Variants in NELL1 observed in about 807,000 individuals in gnomAD.
NELL1 encodes protein kinase C-binding protein NELL1.
NELL1 carries 76 observed loss-of-function variants against 107.4 expected under a neutral mutation model. That is an observed-to-expected ratio of 0.71 (90% CI 0.59 to 0.86). The LOEUF (loss-of-function observed/expected upper bound fraction) is 0.86, where lower values mean the gene tolerates loss of function less well. Among genes scored for constraint, NELL1 ranks in the 40% least tolerant of loss-of-function variants. The pLI is 0.00. For synonymous variants in NELL1, 353 were observed against 341.2 expected (o/e 1.03, Z -0.38); for missense variants, 1,024 against 1,005.5 (o/e 1.02, Z -0.25).
chr11:20,854,800 G>A (rs12293297), intron 4 of NELL1, among the ~76,000 whole-genome samples: 3,202 of 152,272 alleles, frequency 0.021, 40 homozygotes, highest in Middle Eastern at 0.048. Flanking sequence ...GTAGCAAGCA[G>A]ATGATGGATA....
chr11:20,920,007 C>G (rs904926268), intron 7 of NELL1, among the ~76,000 whole-genome samples: 4 of 152,098 alleles, frequency 2.6e-5, no homozygotes, highest in Admixed American at 2.0e-4. Flanking sequence ...TATGTTCATA[C>G]TGAGTGGCGG....
intron 15 of NELL1, among the ~76,000 whole-genome samples, chr11:21,431,570 T>C (rs934279130): frequency 2.0e-5 from 3 of 152,206 alleles, no homozygotes; most frequent in African/African-American, 7.2e-5. Context: ...TTTGACATTG[T>C]ATGTAGATTT....
chr11:20,733,593 A>T (rs192491958), intron 2 of NELL1, among the ~76,000 whole-genome samples: 6 of 152,308 alleles, frequency 3.9e-5, no homozygotes, highest in African/African-American at 1.4e-4. Context: ...CATATGTAGA[A>T]GTTTATTTTT....
intron 5 of NELL1, among the ~76,000 whole-genome samples, chr11:20,900,910 G>C (rs1849858376): frequency 6.6e-6 from 1 of 151,982 alleles, no homozygotes; most frequent in Non-Finnish European, 1.5e-5. Context: ...AAAGGCACTA[G>C]AAGAAATTCA....
intron 12 of NELL1, among the ~76,000 whole-genome samples, chr11:20,986,478 G>T (rs969661325): frequency 1.3e-5 from 2 of 152,154 alleles, no homozygotes; most frequent in African/African-American, 2.4e-5. Flanking sequence ...TTTAGCACCT[G>T]CACAAGGCCC....
chr11:20,892,025 T>C lies in NELL1; in HGVS notation c.603+6485T>C, dbSNP rs998140725. 2.6e-5 allele frequency among the ~76,000 whole-genome samples: 4 copies of C among 152,210 alleles called. No homozygotes were observed. The South Asian group carries it at 6.2e-4, about 24-fold the overall frequency. On this transcript the variant is annotated intron_variant, in intron 5 of 19. Coordinates refer to ENST00000357134, the MANE Select transcript of NELL1 (RefSeq NM_006157.5). Reference sequence around the variant, plus strand: ...TTGCATCAAGTGGACCTAGTAGATGTCTACAGAACTCTCCACCCCAAATCA... The same window carrying C: ...TTGCATCAAGTGGACCTAGTAGATGCCTACAGAACTCTCCACCCCAAATCA...
intron 13 of NELL1, among the ~76,000 whole-genome samples, chr11:21,141,280 T>C (rs373166384): frequency 1.3e-5 from 2 of 152,354 alleles, no homozygotes; most frequent in East Asian, 3.9e-4. Context: ...GTCTTTGATA[T>C]TCAGTTAATT....
intron 12 of NELL1, among the ~76,000 whole-genome samples, chr11:21,034,870 A>G (rs1045579324): frequency 9.9e-5 from 15 of 152,254 alleles, no homozygotes; most frequent in African/African-American, 3.4e-4. Flanking sequence ...AAGCTAGCAG[A>G]CGACAAGAAA....
chr11:20,858,393 G>A (rs979842432), intron 4 of NELL1, among the ~76,000 whole-genome samples: 1 of 152,192 alleles, frequency 6.6e-6, no homozygotes, highest in Non-Finnish European at 1.5e-5. Context: ...TAGCTAATGA[G>A]CTGAACTCAG....
At chr11:21,462,211 A>C (rs1310196469) in intron 15 of NELL1, among the ~76,000 whole-genome samples, 1 of 152,098 alleles carries the variant, frequency 6.6e-6, no homozygotes, top group Non-Finnish European at 1.5e-5. Context: ...AATAAAGAAG[A>C]GCATACTAGG....
chr11:21,246,750 A>G (rs1858502847), intron 14 of NELL1, among the ~76,000 whole-genome samples: 1 of 152,174 alleles, frequency 6.6e-6, no homozygotes, highest in Non-Finnish European at 1.5e-5. Flanking sequence ...GGTAATTTAT[A>G]AAGAAAAAGA....
Position 20,928,313 on chromosome 11 carries a change from T to C in NELL1, c.895-64T>C, listed in dbSNP as rs1850543280. The stretch of plus-strand genomic sequence containing the variant: ...GGTTTCTGGGATGAGATTTCAATGA[T>C]CTCCACAACAGGAGCTATCAAAGGA... On this transcript the variant is annotated intron_variant, in intron 8 of 19. Transcript: ENST00000357134. 3 of 1,403,518 alleles carry C rather than the reference T, an allele frequency of 2.1e-6. No individual in the cohort carries two copies. In the South Asian group the frequency reaches 3.5e-5, roughly 16 times the overall value. The allele number at this position is 1,403,518 out of a possible 1,614,324, so 86.9% of individuals were successfully genotyped here. A position where few individuals can be genotyped will look rare whatever the true frequency, so the allele number is the denominator to read the frequency against.
chr11:20,799,607 C>T (rs1193042434), intron 3 of NELL1, among the ~76,000 whole-genome samples: 4 of 152,100 alleles, frequency 2.6e-5, no homozygotes, highest in Non-Finnish European at 2.9e-5. Context: ...ATTGGTAGTT[C>T]ACCATTTGAA....
At chr11:20,711,663 T>C (rs781237443) in intron 2 of NELL1, among the ~76,000 whole-genome samples, 1 of 152,096 alleles carries the variant, frequency 6.6e-6, no homozygotes, top group South Asian at 2.1e-4. Flanking sequence ...TGCTGGAAAA[T>C]TCTTGGCTGA....
intron 12 of NELL1, among the ~76,000 whole-genome samples, chr11:21,104,073 A>C (rs976129741): frequency 6.6e-6 from 1 of 152,098 alleles, no homozygotes; most frequent in African/African-American, 2.4e-5. Context: ...TAGCTTTTAC[A>C]TTTCTAGGGT....
rs116821587 is a variant in NELL1, at chr11:20,824,920, C to A, written c.336-22663C>A. Among the ~76,000 whole-genome samples the A allele has an allele frequency of 1.8e-4, 27 of 151,336 alleles. 1 individual carries two copies. Among genetic ancestry groups the A allele is most frequent in the African/African-American group, 6.5e-4 (27 of 41,424 alleles). On this transcript the variant is annotated intron_variant, in intron 3 of 19. Coordinates refer to ENST00000357134, the MANE Select transcript of NELL1 (RefSeq NM_006157.5). Reference sequence around the variant, plus strand: ...GACATTTGCATAAGTAACAAGCAGCCGAATGTTAATCACTAAGACAATATG... The same window carrying A: ...GACATTTGCATAAGTAACAAGCAGCAGAATGTTAATCACTAAGACAATATG...
intron 12 of NELL1, among the ~76,000 whole-genome samples, chr11:21,056,426 T>A (rs1179740006): frequency 6.6e-6 from 1 of 152,096 alleles, no homozygotes; most frequent in Non-Finnish European, 1.5e-5. Context: ...GGGTCCCTGT[T>A]TTACTCTTCA....
chr11:20,914,141 T>G (rs1220208902), intron 5 of NELL1, among the ~76,000 whole-genome samples: 1 of 152,138 alleles, frequency 6.6e-6, no homozygotes, highest in Non-Finnish European at 1.5e-5. Context: ...TGTCTGGATC[T>G]GTCTCTAGCT....
At chr11:21,062,439 T>C (rs1054103911) in intron 12 of NELL1, among the ~76,000 whole-genome samples, 2 of 152,164 alleles carry the variant, frequency 1.3e-5, no homozygotes, top group Non-Finnish European at 2.9e-5. Flanking sequence ...TAAGCCACAG[T>C]TGTCAATCCA....
Sources: allele counts gnomAD v4.1 joint callset (sites outside exome capture counted in the v4.1 genomes callset), GRCh38; gene constraint gnomAD v4.1.1; transcripts MANE v1.5; gene names NCBI Gene and HGNC (gene_info 2026-07-23, HGNC 2026-07-21).